The following MORN1 variants were observed in gnomAD, a reference collection of about 807,000 sequenced individuals.
MORN1 encodes the protein MORN repeat-containing protein 1.
In MORN1, 67 loss-of-function variants were observed where a neutral mutation model predicts 61.9. The ratio of observed to expected loss-of-function variants is 1.08; its 90% CI spans 0.89 to 1.33. MORN1 has a LOEUF of 1.33. MORN1 is among the 40% of genes most tolerant of loss of function. The pLI, the probability that MORN1 is intolerant of heterozygous loss-of-function variation, is 0.00. For synonymous variants in MORN1, 301 were observed against 292.0 expected, an observed-to-expected ratio of 1.03 and a Z score of -0.31; for missense variants, 752 against 691.2, an observed-to-expected ratio of 1.09 and a Z score of -0.99.
In MORN1 at chr1:2,334,874, G is replaced by A. The variant is rs1466449008; in HGVS notation, c.1250+1595C>T. Among the ~76,000 whole-genome samples, 1 of 152,198 alleles carries A rather than the reference G, an allele frequency of 6.6e-6. No individual in the cohort carries two copies. The highest frequency in any genetic ancestry group is 1.5e-5 in the Non-Finnish European group (1 of 68,040). On this transcript the variant is annotated intron_variant, in intron 12 of 13. Transcript: ENST00000378531. This position sits in a 1 kb window ranked among gnomAD's most constrained non-coding sequence, Gnocchi z 5.4. ...GACGTTCCAACATCACCCTCAGCGC[G>A]GAGGTTGCCACGGTTCTGGAGCGAA...
intron 7 of MORN1, among the ~76,000 whole-genome samples, chr1:2,374,032 A>G (rs546311269): frequency 6.6e-6 from 1 of 152,208 alleles, no homozygotes; most frequent in South Asian, 2.1e-4. Context: ...CTCATCCTGG[A>G]ATCTATTGAG....
At chr1:2,338,071 C>T (rs1052000943) in intron 10 of MORN1, among the ~76,000 whole-genome samples, 6 of 152,090 alleles carry the variant, frequency 3.9e-5, no homozygotes, top group African/African-American at 1.4e-4. Flanking sequence ...CCCGGGGCAG[C>T]CCCCTCTGTG....
At chr1:2,335,511 T>C (rs1641246317) in intron 12 of MORN1, among the ~76,000 whole-genome samples, 2 of 152,134 alleles carry the variant, frequency 1.3e-5, no homozygotes, top group African/African-American at 2.4e-5. Flanking sequence ...AGGGGTCTGG[T>C]TCTCCACCCA....
chr1:2,346,206 GA>G (rs1641512940), intron 10 of MORN1, among the ~76,000 whole-genome samples: 1 of 151,950 alleles, frequency 6.6e-6, no homozygotes, highest in Admixed American at 6.6e-5. Flanking sequence ...AGCCACCAGG[GA>G]ACCTTCCCTG....
chr1:2,323,850 C>T (rs1406696196), intron 13 of MORN1: 1 of 985,230 alleles, frequency 1.0e-6, no homozygotes, highest in Admixed American at 6.2e-5. Flanking sequence ...AGGACATTCC[C>T]CACATCAAGG....
chr1:2,331,772 C>T (rs1421249487), intron 12 of MORN1, among the ~76,000 whole-genome samples: 2 of 152,162 alleles, frequency 1.3e-5, no homozygotes, highest in Non-Finnish European at 2.9e-5. Flanking sequence ...ATGCGCCGTC[C>T]TTCTTATGTA....
rs929120307 is a variant in MORN1 at position 2,337,393 on chromosome 1, T to C, written c.1037-543A>G. Reference sequence around the variant, plus strand: ...CCTCCACGTGGCGGCAGACCCCAGGTCCTCGGGCATCAGAGGCGGGTGTGG... The same window carrying C: ...CCTCCACGTGGCGGCAGACCCCAGGCCCTCGGGCATCAGAGGCGGGTGTGG... On this transcript the variant is annotated intron_variant, in intron 10 of 13. Transcript: ENST00000378531. This position sits in a 1 kb window ranked among gnomAD's most constrained non-coding sequence, Gnocchi z 5.7. 6.6e-6 allele frequency among the ~76,000 whole-genome samples: 1 copy of C among 152,056 alleles called. No individual in the cohort carries two copies. Among genetic ancestry groups the C allele is most frequent in the African/African-American group, 2.4e-5 (1 of 41,386 alleles).
rs1048024031 is a variant in MORN1 at position 2,337,410 on chromosome 1, C to T, written c.1037-560G>A. 7.9e-5 allele frequency among the ~76,000 whole-genome samples: 12 copies of T among 152,290 alleles called. No individual in the cohort carries two copies. The highest frequency in any genetic ancestry group is 3.9e-4 in the Admixed American group (6 of 15,304). ...ACCCCAGGTCCTCGGGCATCAGAGGCGGGTGTGGGCGGGCTCAGCCTGTGC... is the reference window on the plus strand; with the variant it reads ...ACCCCAGGTCCTCGGGCATCAGAGGTGGGTGTGGGCGGGCTCAGCCTGTGC... On this transcript the variant is annotated intron_variant, in intron 10 of 13. Transcript: ENST00000378531. The surrounding 1 kb of genome is among the most constrained non-coding windows in gnomAD (Gnocchi z 5.7).
rs561850271 is a variant in MORN1, at chr1:2,332,576, G to A, written c.1250+3893C>T. 2.6e-5 allele frequency: 12 copies of A among 456,432 alleles called. No individual in the cohort carries two copies. The East Asian group carries it at 4.2e-4, about 16-fold the overall frequency. 28.3% of individuals were successfully genotyped at this position (456,432 alleles called of 1,614,324 possible). A position where few individuals can be genotyped will look rare whatever the true frequency, so the allele number is the denominator to read the frequency against. Reference sequence around the variant, plus strand: ...GAATGGGCAGTGCTGTGAGGGGCACGGCAGACCTCCGGCACAGGCCCAGGT... The same window carrying A: ...GAATGGGCAGTGCTGTGAGGGGCACAGCAGACCTCCGGCACAGGCCCAGGT... On this transcript the variant is annotated intron_variant, in intron 12 of 13. Coordinates refer to ENST00000378531, the MANE Select transcript of MORN1 (RefSeq NM_024848.3).
chr1:2,363,813 T>A (rs139129722), intron 8 of MORN1, among the ~76,000 whole-genome samples: 11,641 of 93,658 alleles, frequency 0.12, 635 homozygotes, highest in East Asian at 0.23. Flanking sequence ...AACAAAAAAA[T>A]ATATATATAT....
intron 10 of MORN1, among the ~76,000 whole-genome samples, chr1:2,353,735 G>A (rs1005201599): frequency 4.0e-4 from 61 of 152,358 alleles, no homozygotes; most frequent in African/African-American, 1.4e-3. Flanking sequence ...AGGGCTCCAG[G>A]TACCGAGAGA....
At chr1:2,322,708 G>T (rs1640909706) in intron 13 of MORN1, 1 of 985,356 alleles carries the variant, frequency 1.0e-6, no homozygotes, top group South Asian at 4.7e-5. Context: ...TTTCCAAGCA[G>T]CCCGGTTTCT....
intron 10 of MORN1, among the ~76,000 whole-genome samples, chr1:2,354,559 T>C (rs1301797171): frequency 6.6e-6 from 1 of 152,046 alleles, no homozygotes; most frequent in Non-Finnish European, 1.5e-5. Context: ...AGAAAGAAAG[T>C]AGAAGCCTAC....
chr1:2,341,137 G>T (rs1456842911), intron 10 of MORN1, among the ~76,000 whole-genome samples: 2 of 152,228 alleles, frequency 1.3e-5, no homozygotes, highest in Non-Finnish European at 2.9e-5. Context: ...GCCTCTCCCA[G>T]CCCTGCTGTG....
intron 13 of MORN1, 30 bp downstream of exon 13, chr1:2,324,067 C>T (rs371841482): frequency 6.1e-5 from 96 of 1,581,580 alleles, no homozygotes; most frequent in African/African-American, 1.2e-4. Flanking sequence ...GTGGCACAGC[C>T]GGCGATGGAC....
At chr1:2,382,365 A>G (rs981928813) in intron 6 of MORN1, among the ~76,000 whole-genome samples, 6 of 152,146 alleles carry the variant, frequency 3.9e-5, no homozygotes, top group Admixed American at 2.6e-4. Context: ...TTCCTCACCT[A>G]TGCCCTGCTC....
intron 12 of MORN1, among the ~76,000 whole-genome samples, chr1:2,333,197 G>A (rs374483409): frequency 6.6e-6 from 1 of 152,352 alleles, no homozygotes; most frequent in East Asian, 1.9e-4. Context: ...CTCCTGGTGC[G>A]TAATTATGCC....
intron 7 of MORN1, among the ~76,000 whole-genome samples, chr1:2,373,973 T>C (rs981278195): frequency 1.3e-5 from 2 of 152,014 alleles, no homozygotes; most frequent in African/African-American, 4.8e-5. Context: ...GGCCCCGAGG[T>C]TTGGATGAGT....
At chr1:2,381,187 G>T (rs1642363540) in intron 6 of MORN1, among the ~76,000 whole-genome samples, 2 of 152,270 alleles carry the variant, frequency 1.3e-5, no homozygotes, top group South Asian at 4.1e-4. Flanking sequence ...TCTGAAGCGT[G>T]GTCTGGCAGC....
Sources: gnomAD v4.1 joint callset for allele counts (sites outside exome capture counted in the v4.1 genomes callset) on GRCh38, gnomAD v4.1.1 for gene constraint, Gnocchi (gnomAD v3.1) non-coding constraint, MANE v1.5 for transcripts, NCBI Gene and HGNC (gene_info 2026-07-23, HGNC 2026-07-21) for gene names.